ATXN7L1: variants seen among roughly 807,000 people sequenced by gnomAD.
The protein encoded by ATXN7L1 is ataxin-7-like protein 1.
A neutral mutation model predicts 70.8 loss-of-function variants in ATXN7L1; 15 were observed. The ratio of observed to expected loss-of-function variants is 0.21; its 90% CI spans 0.14 to 0.33. The LOEUF (loss-of-function observed/expected upper bound fraction) is 0.33. ATXN7L1 is among the 10% of genes least tolerant of loss of function. The pLI is 1.00. For synonymous variants in ATXN7L1, 440 were observed against 445.1 expected (o/e 0.99, Z 0.14); for missense variants, 975 against 1,097.1 (o/e 0.89, Z 1.57).
chr7:105,860,059 G>A (rs1205958015), intron 2 of ATXN7L1, among the ~76,000 whole-genome samples: 1 of 146,444 alleles, frequency 6.8e-6, no homozygotes, highest in Non-Finnish European at 1.5e-5. Flanking sequence ...GGGATTACAG[G>A]CATGAGTCAC....
chr7:105,807,696 G>A (rs1292716095), intron 2 of ATXN7L1, among the ~76,000 whole-genome samples: 2 of 152,166 alleles, frequency 1.3e-5, no homozygotes, highest in Non-Finnish European at 2.9e-5. Flanking sequence ...GCCCGGGCTG[G>A]GCTGCAGTAG....
chr7:105,685,915 A>G (rs551038199), intron 3 of ATXN7L1, among the ~76,000 whole-genome samples: 1 of 152,326 alleles, frequency 6.6e-6, no homozygotes, highest in African/African-American at 2.4e-5. Context: ...TTTGCAAAGC[A>G]TGGTCAGAGG....
intron 3 of ATXN7L1, among the ~76,000 whole-genome samples, chr7:105,694,696 T>C (rs138079849): frequency 0.016 from 2,373 of 152,282 alleles, 21 homozygotes; most frequent in Middle Eastern, 0.031. Context: ...ACAAGTAAAC[T>C]GGGATTTGGA....
intron 7 of ATXN7L1, among the ~76,000 whole-genome samples, chr7:105,637,421 C>T (rs758213573): frequency 6.6e-6 from 1 of 152,204 alleles, no homozygotes; most frequent in Non-Finnish European, 1.5e-5. Context: ...GTTATCTGCA[C>T]TTCTCACTGA....
At chr7:105,647,345 T>G (rs923366207) in intron 4 of ATXN7L1, among the ~76,000 whole-genome samples, 5 of 152,046 alleles carry the variant, frequency 3.3e-5, no homozygotes, top group African/African-American at 7.2e-5. Context: ...ATTGTACAAA[T>G]GGAAATACAT....
At chr7:105,619,336 C>T (rs560576355) in intron 9 of ATXN7L1, among the ~76,000 whole-genome samples, 18 of 144,310 alleles carry the variant, frequency 1.2e-4, no homozygotes, top group Admixed American at 3.5e-4. Context: ...TTAGTAGAGA[C>T]GGGGGTTTCA....
intron 3 of ATXN7L1, among the ~76,000 whole-genome samples, chr7:105,773,237 T>C (rs1409478950): frequency 2.0e-5 from 3 of 152,208 alleles, no homozygotes; most frequent in African/African-American, 7.2e-5. Context: ...TTTTCTATTT[T>C]GAACTAAACT....
chr7:105,875,759 T>C lies in ATXN7L1; in HGVS notation c.250+53A>G, dbSNP rs972420118. 2.6e-6 allele frequency: 4 copies of C among 1,537,822 alleles called. No homozygotes were observed. The African/African-American group carries it at 5.5e-5, about 21-fold the overall frequency. Reference sequence around the variant, plus strand: ...ACAATTCACATTATATTCGAAATCCTGTGAAGATTCTGCCACACATGCTAA... The same window carrying C: ...ACAATTCACATTATATTCGAAATCCCGTGAAGATTCTGCCACACATGCTAA... On this transcript the variant is annotated intron_variant, in intron 2 of 11. Coordinates refer to ENST00000419735, the MANE Select transcript of ATXN7L1 (RefSeq NM_020725.2).
At chr7:105,854,275 T>C (rs1183721974) in intron 2 of ATXN7L1, among the ~76,000 whole-genome samples, 1 of 152,032 alleles carries the variant, frequency 6.6e-6, no homozygotes. Context: ...GGAAAACCCC[T>C]GCAAAATGCA....
intron 2 of ATXN7L1, among the ~76,000 whole-genome samples, chr7:105,800,593 A>G (rs544729032): frequency 1.3e-5 from 2 of 152,330 alleles, no homozygotes; most frequent in Admixed American, 1.3e-4. Flanking sequence ...AAACGTACTC[A>G]AATGCTTAAA....
At position 105,764,116 on chromosome 7, in the gene ATXN7L1, A is replaced by G. The variant is rs573566532; in HGVS notation, c.355+24488T>C. Among the ~76,000 whole-genome samples, 141 of 151,922 alleles carry G rather than the reference A, an allele frequency of 9.3e-4. 4 individuals carry two copies. In the South Asian group the frequency reaches 0.028, roughly 31 times the overall value. ...TGATCCACCCGCCTCAGCCTTCCAA[A>G]TTGCTGAGATTACAGGCATGAGCCA... On this transcript the variant is annotated intron_variant, in intron 3 of 11. Coordinates refer to ENST00000419735, the MANE Select transcript of ATXN7L1 (RefSeq NM_020725.2).
chr7:105,747,990 A>G (rs1346700911), intron 3 of ATXN7L1, among the ~76,000 whole-genome samples: 1 of 152,040 alleles, frequency 6.6e-6, no homozygotes, highest in Non-Finnish European at 1.5e-5. Context: ...GTGGTGACAC[A>G]TGCCTGTAAT....
intron 4 of ATXN7L1, among the ~76,000 whole-genome samples, chr7:105,657,566 G>A (rs1294003916): frequency 6.6e-6 from 1 of 151,656 alleles, no homozygotes; most frequent in East Asian, 1.9e-4. Flanking sequence ...GCACAGTAGT[G>A]TGTGCCTGTC....
chr7:105,752,152 C>T (rs972457508), intron 3 of ATXN7L1, among the ~76,000 whole-genome samples: 30 of 152,212 alleles, frequency 2.0e-4, no homozygotes, highest in African/African-American at 7.2e-4. Context: ...AGAACAATTG[C>T]GAATTCACAG....
chr7:105,767,550 G>A lies in ATXN7L1; in HGVS notation c.355+21054C>T, dbSNP rs544492043. Reference sequence around the variant, plus strand: ...CACAAGGCCAGAGAAGTGCCTTGCTGTGTTTAAGTGTATAGATGTCTGGTG... The same window carrying A: ...CACAAGGCCAGAGAAGTGCCTTGCTATGTTTAAGTGTATAGATGTCTGGTG... On this transcript the variant is annotated intron_variant, in intron 3 of 11. Transcript: ENST00000419735. 2.6e-5 allele frequency among the ~76,000 whole-genome samples: 4 copies of A among 152,338 alleles called. No individual in the cohort carries two copies. The South Asian group carries it at 8.3e-4, about 32-fold the overall frequency.
chr7:105,734,646 T>C (rs1797183082), intron 3 of ATXN7L1, among the ~76,000 whole-genome samples: 1 of 152,112 alleles, frequency 6.6e-6, no homozygotes, highest in African/African-American at 2.4e-5. Context: ...GTTTTTTTTT[T>C]TTTTTAACCT....
intron 4 of ATXN7L1, among the ~76,000 whole-genome samples, chr7:105,644,487 A>C (rs998524751): frequency 2.7e-4 from 41 of 152,328 alleles, no homozygotes; most frequent in African/African-American, 9.6e-4. Context: ...CTAGAATGAC[A>C]GTTTTTTGTA....
chr7:105,787,348 C>G (rs1350807632), intron 3 of ATXN7L1, among the ~76,000 whole-genome samples: 1 of 152,132 alleles, frequency 6.6e-6, no homozygotes, highest in Non-Finnish European at 1.5e-5. Context: ...GGCCTCTGAC[C>G]AAACCTCCTC....
At chr7:105,720,525 C>T (rs476405) in intron 3 of ATXN7L1, among the ~76,000 whole-genome samples, 1,710 of 152,166 alleles carry the variant, frequency 0.011, 46 homozygotes, top group African/African-American at 0.039. Flanking sequence ...CTCAAGTGAT[C>T]CTCCCACCTC....
Sources: allele counts gnomAD v4.1 joint callset (sites outside exome capture counted in the v4.1 genomes callset), GRCh38; gene constraint gnomAD v4.1.1; transcripts MANE v1.5; gene names NCBI Gene and HGNC (gene_info 2026-07-23, HGNC 2026-07-21).